Variants in ACTN2 observed in about 807,000 individuals in gnomAD.
The protein encoded by ACTN2 is alpha-actinin-2.
ACTN2 carries 39 observed loss-of-function variants against 113.8 expected under a neutral mutation model. The ratio of observed to expected loss-of-function variants is 0.34; its 90% CI spans 0.27 to 0.45. ACTN2 has a LOEUF of 0.45. ACTN2 is among the 20% of genes least tolerant of loss of function. ACTN2 has a pLI of 1.00. For synonymous variants in ACTN2, 429 were observed against 444.1 expected (o/e 0.97, Z 0.43); for missense variants, 992 against 1,177.9 (o/e 0.84, Z 2.31).
At chr1:236,731,456 C>T in intron 7 of ACTN2, 142 bp downstream of exon 7, 1 of 682,002 alleles carries the variant, frequency 1.5e-6, no homozygotes. Context: ...TGTCACTGGC[C>T]ACATAAGTAG....
chr1:236,732,425 C>CTTTTTCTTT (rs140816842), intron 7 of ACTN2, among the ~76,000 whole-genome samples: 1 of 145,688 alleles, frequency 6.9e-6, no homozygotes, highest in Non-Finnish European at 1.5e-5. Context: ...TTTTCTTTTT[C>CTTTTTCTTT]TTTTTATTTT....
At chr1:236,745,553 C>T (rs1462284358) in intron 12 of ACTN2, among the ~76,000 whole-genome samples, 13 of 152,208 alleles carry the variant, frequency 8.5e-5, no homozygotes, top group South Asian at 2.1e-4. Context: ...CACTTTCATG[C>T]GTTTGGTTTT....
chr1:236,686,632 G>A lies in ACTN2; in HGVS notation c.-42G>A. 3.3e-6 allele frequency: 5 copies of A among 1,528,648 alleles called. No individual in the cohort carries two copies. Among genetic ancestry groups the A allele is most frequent in the Non-Finnish European group, 4.4e-6 (5 of 1,137,456 alleles). The allele number at this position is 1,528,648 out of a possible 1,614,324, so 94.7% of individuals were successfully genotyped here. A position where few individuals can be genotyped will look rare whatever the true frequency, so the allele number is the denominator to read the frequency against. On this transcript the variant is annotated 5_prime_UTR_variant, in exon 1 of 21. Transcript: ENST00000366578. ...CGTTTGCCAGTCAGCCCGTGCGTCCGAGCCCCTCGCGCCCCGCCGCAGCCC... is the reference window on the plus strand; with the variant it reads ...CGTTTGCCAGTCAGCCCGTGCGTCCAAGCCCCTCGCGCCCCGCCGCAGCCC...
intron 19 of ACTN2, 111 bp from the exon 20 acceptor site, chr1:236,760,904 T>A: frequency 7.3e-7 from 1 of 1,378,154 alleles, no homozygotes; most frequent in Non-Finnish European, 1.0e-6. Flanking sequence ...CAGGTAATAA[T>A]TCAGTTTTCA....
At chr1:236,709,039 G>A (rs1657917945) in intron 1 of ACTN2, among the ~76,000 whole-genome samples, 1 of 151,648 alleles carries the variant, frequency 6.6e-6, no homozygotes, top group Non-Finnish European at 1.5e-5. Context: ...AGTGATGGCT[G>A]TAAATAGAAA....
intron 7 of ACTN2, among the ~76,000 whole-genome samples, chr1:236,733,438 C>T (rs1247946695): frequency 1.3e-5 from 2 of 152,228 alleles, no homozygotes; most frequent in Non-Finnish European, 2.9e-5. Flanking sequence ...CCATTCTGCT[C>T]ATCCTTCCAG....
rs376596726 is a variant in ACTN2, at chr1:236,749,208, G to A, written c.1600G>A (p.Gly534Ser). The change falls in exon 14 of 21, where the codon GGC (glycine) becomes AGC (serine). Residue 534 changes from glycine (G) to serine (S), a missense_variant. Physicochemically the swap from Gly to Ser is moderately conservative, Grantham distance 56. This residue lies in a region of ACTN2 where 736 missense variants were observed against 815.4 expected (regional missense o/e 0.90). Transcript: ENST00000366578. ...TGCTCCTTTCAACAATTGGATGGAG[G>A]GCGCTATGGAGGATCTGCAAGATAT... ...RAAPFNNWME[G>S]AMEDLQDMFI... is the part of the protein sequence containing the mutation. 4 of 1,614,156 alleles carry A rather than the reference G, an allele frequency of 2.5e-6. No individual in the cohort carries two copies. Among genetic ancestry groups the A allele is most frequent in the African/African-American group, 1.3e-5 (1 of 75,026 alleles).
chr1:236,740,401 AC>A (rs1659034207), intron 10 of ACTN2, among the ~76,000 whole-genome samples: 1 of 151,562 alleles, frequency 6.6e-6, no homozygotes, highest in Non-Finnish European at 1.5e-5. Context: ...GGCGTGAGCC[AC>A]CACGCCCAGC....
chr1:236,720,292 A>G, intron 4 of ACTN2, 101 bp downstream of exon 4: 1 of 942,106 alleles, frequency 1.1e-6, no homozygotes, highest in Non-Finnish European at 1.7e-6. Flanking sequence ...CACTTACATG[A>G]TTGAATGAGA....
At chr1:236,745,172 C>T (rs61593215) in intron 12 of ACTN2, among the ~76,000 whole-genome samples, 3,048 of 152,216 alleles carry the variant, frequency 0.02, 106 homozygotes, top group African/African-American at 0.07. Flanking sequence ...CGGTGGCTCA[C>T]GCCTGTAATC....
At chr1:236,697,448 T>C (rs531899335) in intron 1 of ACTN2, among the ~76,000 whole-genome samples, 12 of 152,222 alleles carry the variant, frequency 7.9e-5, no homozygotes, top group Admixed American at 7.2e-4. Context: ...TCTGAGGGGA[T>C]AGGTGGAAGA....
intron 6 of ACTN2, 144 bp downstream of exon 6, chr1:236,727,900 A>G (rs540559435): frequency 2.6e-6 from 2 of 765,062 alleles, no homozygotes; most frequent in East Asian, 2.7e-5. Context: ...TCTCCCAGCT[A>G]GCCTTTCCCA....
rs566481276 is a variant in ACTN2 at position 236,751,710 on chromosome 1, G to A, written c.1839+58G>A. On this transcript the variant is annotated intron_variant, in intron 15 of 20. Coordinates refer to ENST00000366578, the MANE Select transcript of ACTN2 (RefSeq NM_001103.4). Reference sequence around the variant, plus strand: ...GGGCATTCTTGAAGCTGACGTCGAAGGAGGAAGTTAACGCCTCGGGGACTT... The same window carrying A: ...GGGCATTCTTGAAGCTGACGTCGAAAGAGGAAGTTAACGCCTCGGGGACTT... The A allele has an allele frequency of 1.9e-5, 30 of 1,606,262 alleles. No homozygotes were observed. The East Asian group carries it at 6.7e-4, about 36-fold the overall frequency.
At chr1:236,739,050 A>G (rs1414929532) in intron 9 of ACTN2, among the ~76,000 whole-genome samples, 1 of 151,972 alleles carries the variant, frequency 6.6e-6, no homozygotes, top group Non-Finnish European at 1.5e-5. Context: ...TAAACGTCAC[A>G]TTTTTGTAAG....
rs1376315266 is a variant in ACTN2 at position 236,762,964 on chromosome 1, A to T, written c.*345A>T. On this transcript the variant is annotated 3_prime_UTR_variant, in exon 21 of 21. Coordinates refer to ENST00000366578, the MANE Select transcript of ACTN2 (RefSeq NM_001103.4). ...AAAGTGAAAAATGTGAAAATACAAA[A>T]TACCCAAGATTTAAGACCGGGGGGA... is the stretch of plus-strand genomic sequence containing the variant. 1.2e-5 allele frequency: 4 copies of T among 333,064 alleles called. No homozygotes were observed. Among genetic ancestry groups the T allele is most frequent in the Non-Finnish European group, 2.3e-5 (4 of 172,648 alleles). The allele number at this position is 333,064 out of a possible 1,614,324, so 20.6% of individuals were successfully genotyped here.
At chr1:236,735,385 G>T (rs1197937643) in intron 7 of ACTN2, among the ~76,000 whole-genome samples, 4 of 134,610 alleles carry the variant, frequency 3.0e-5, no homozygotes, top group African/African-American at 1.1e-4. Flanking sequence ...GCCCATCAAG[G>T]GGTGGGGGAG....
chr1:236,709,329 T>C (rs819645), intron 1 of ACTN2, among the ~76,000 whole-genome samples: 126,927 of 127,352 alleles, frequency 1, 63,251 homozygotes, highest in Non-Finnish European at 1. Context: ...TATATATACA[T>C]GTATATATAT....
At chr1:236,744,872 G>A (rs1229232440) in intron 12 of ACTN2, 96 bp downstream of exon 12, 36 of 1,541,078 alleles carry the variant, frequency 2.3e-5, no homozygotes, top group Non-Finnish European at 3.0e-5. Context: ...TAAACGCAGA[G>A]GGAACCACGC....
Position 236,754,135 on chromosome 1 carries a change from A to G in ACTN2, c.1974+54A>G. ...CACAAGCCTTGCGATAAGTCCCTTTAGCCACGCAGCAGTGACACCGCACAT... is the reference window on the plus strand; with the variant it reads ...CACAAGCCTTGCGATAAGTCCCTTTGGCCACGCAGCAGTGACACCGCACAT... On this transcript the variant is annotated intron_variant, in intron 16 of 20. Transcript: ENST00000366578. This position sits in a 1 kb window ranked among gnomAD's most constrained non-coding sequence, Gnocchi z 4.9. The G allele has an allele frequency of 6.2e-7, 1 of 1,606,704 alleles. No homozygotes were observed. Among genetic ancestry groups the G allele is most frequent in the Admixed American group, 1.7e-5 (1 of 60,018 alleles).
Sources: gnomAD v4.1 joint callset for allele counts (sites outside exome capture counted in the v4.1 genomes callset) on GRCh38, gnomAD v4.1.1 for gene constraint, gnomAD v4.1.1 regional missense constraint, Gnocchi (gnomAD v3.1) non-coding constraint, MANE v1.5 for transcripts, NCBI Gene and HGNC (gene_info 2026-07-23, HGNC 2026-07-21) for gene names.